LHFPL7: variants seen among roughly 807,000 people sequenced by gnomAD.
The protein encoded by LHFPL7 is LHFPL tetraspan subfamily member 7 protein.
At chr22:24,938,357 G>C in the LHFPL7 span, 3 of 1,610,800 alleles carry the variant, frequency 1.9e-6, no homozygotes, top group Non-Finnish European at 1.7e-6. Flanking sequence ...GAGCATCACA[G>C]CTGAGACCTG....
the LHFPL7 span, chr22:24,939,452 C>T: frequency 1.4e-6 from 1 of 702,982 alleles, no homozygotes; most frequent in Non-Finnish European, 2.6e-6. Flanking sequence ...AGGTCGGGGT[C>T]TGGAACCAGG....
the LHFPL7 span, among the ~76,000 whole-genome samples, chr22:24,944,850 G>T: frequency 1.3e-5 from 2 of 151,098 alleles, no homozygotes; most frequent in African/African-American, 4.9e-5. Context: ...TTGCTGTGTC[G>T]CCAGGCTGGA....
the LHFPL7 span, chr22:24,935,371 T>TG: frequency 6.2e-7 from 1 of 1,613,952 alleles, no homozygotes; most frequent in Non-Finnish European, 8.5e-7. Context: ...ATTCTCTCGG[T>TG]GGCACTGGAG....
At chr22:24,935,440 G>A in the LHFPL7 span, 7 of 1,613,940 alleles carry the variant, frequency 4.3e-6, no homozygotes, top group South Asian at 1.1e-5. Flanking sequence ...ATGGGCAGGA[G>A]GCTGGCCAGG....
the LHFPL7 span, among the ~76,000 whole-genome samples, chr22:24,945,434 G>C: frequency 1.3e-5 from 2 of 152,182 alleles, no homozygotes; most frequent in Non-Finnish European, 2.9e-5. Context: ...AGAGTGGTCA[G>C]ATTCTGGATT....
At chr22:24,938,580 G>C in the LHFPL7 span, among the ~76,000 whole-genome samples, 1 of 152,218 alleles carries the variant, frequency 6.6e-6, no homozygotes, top group African/African-American at 2.4e-5. Context: ...TAATTAAGTG[G>C]TAGAGCCAGA....
At chr22:24,941,971 C>A in the LHFPL7 span, among the ~76,000 whole-genome samples, 1 of 140,106 alleles carries the variant, frequency 7.1e-6, no homozygotes, top group Admixed American at 6.9e-5. Flanking sequence ...GGCCGAAATT[C>A]AAATGTATTT....
chr22:24,941,876 AG>A, the LHFPL7 span, among the ~76,000 whole-genome samples: 2 of 152,150 alleles, frequency 1.3e-5, no homozygotes, highest in Non-Finnish European at 2.9e-5. Flanking sequence ...CATGTTGGCC[AG>A]GATGGTCTCC....
the LHFPL7 span, among the ~76,000 whole-genome samples, chr22:24,943,954 ATCAT>A: frequency 6.6e-6 from 1 of 152,154 alleles, no homozygotes; most frequent in Non-Finnish European, 1.5e-5. Flanking sequence ...GGGTTGATCA[ATCAT>A]TCATTCAACT....
the LHFPL7 span, among the ~76,000 whole-genome samples, chr22:24,940,823 A>C: frequency 6.8e-6 from 1 of 147,378 alleles, no homozygotes; most frequent in Non-Finnish European, 1.5e-5. Context: ...GTTGGAGTGC[A>C]GTGCATGATC....
At chr22:24,938,978 G>C in the LHFPL7 span, among the ~76,000 whole-genome samples, 1 of 152,190 alleles carries the variant, frequency 6.6e-6, no homozygotes, top group South Asian at 2.1e-4. Context: ...CTAAAGAAGG[G>C]GCACCTTTTC....
chr22:24,939,899 TGTTC>T, the LHFPL7 span, among the ~76,000 whole-genome samples: 1 of 151,044 alleles, frequency 6.6e-6, no homozygotes, highest in African/African-American at 2.4e-5. Context: ...TTTGTTCATT[TGTTC>T]GTTCGTTCAT....
the LHFPL7 span, among the ~76,000 whole-genome samples, chr22:24,943,679 G>A: frequency 6.6e-6 from 1 of 152,194 alleles, no homozygotes; most frequent in Non-Finnish European, 1.5e-5. Context: ...CGGGTTCTGG[G>A]CCCTAAGCCC....
chr22:24,937,668 T>C, the LHFPL7 span, among the ~76,000 whole-genome samples: 1 of 152,168 alleles, frequency 6.6e-6, no homozygotes, highest in Non-Finnish European at 1.5e-5. Flanking sequence ...TGAATGAGGA[T>C]TGCAATGAAG....
chr22:24,944,196 G>C, the LHFPL7 span, among the ~76,000 whole-genome samples: 1 of 152,096 alleles, frequency 6.6e-6, no homozygotes, highest in Admixed American at 6.5e-5. Context: ...GAGGAAAATA[G>C]AAAAAGCCCC....
At chr22:24,935,350 G>GA in the LHFPL7 span, 3 of 1,612,538 alleles carry the variant, frequency 1.9e-6, no homozygotes, top group South Asian at 3.3e-5. Flanking sequence ...TTCATTTCTG[G>GA]CACAAAGATG....
At chr22:24,945,785 T>C in the LHFPL7 span, among the ~76,000 whole-genome samples, 35 of 152,226 alleles carry the variant, frequency 2.3e-4, no homozygotes, top group Middle Eastern at 6.8e-3. Flanking sequence ...CAGGCTGAGA[T>C]GCACAGATGG....
chr22:24,940,606 A>AT, the LHFPL7 span, among the ~76,000 whole-genome samples: 4 of 124,412 alleles, frequency 3.2e-5, no homozygotes, highest in South Asian at 5.0e-4. Context: ...AAAAAAAAAA[A>AT]AATAATAATA....
chr22:24,936,675 T>TC, the LHFPL7 span, among the ~76,000 whole-genome samples: 1 of 152,172 alleles, frequency 6.6e-6, no homozygotes, highest in African/African-American at 2.4e-5. Flanking sequence ...CTCCCTTTTT[T>TC]CCATGCCTTT....
Sources: gnomAD v4.1 joint callset for allele counts (sites outside exome capture counted in the v4.1 genomes callset) on GRCh38, gnomAD v4.1.1 for gene constraint, MANE v1.5 for transcripts, NCBI Gene and HGNC (gene_info 2026-07-23, HGNC 2026-07-21) for gene names.